Variants in HMCES observed in about 807,000 individuals in gnomAD.
HMCES encodes abasic site processing protein HMCES.
A neutral mutation model predicts 35.1 loss-of-function variants in HMCES; 27 were observed. The observed-to-expected ratio is 0.77, with a 90% CI of 0.57 to 1.06. The LOEUF (loss-of-function observed/expected upper bound fraction) is 1.06. HMCES is among the 50% of genes least tolerant of loss of function. The probability of loss-of-function intolerance (pLI) is 0.00; values close to 1 mark genes in which losing one functional copy is unlikely to be tolerated. For missense variants in HMCES, 391 were observed against 430.4 expected, an observed-to-expected ratio of 0.91 and a Z score of 0.81; for synonymous variants, 130 against 154.7, an observed-to-expected ratio of 0.84 and a Z score of 1.18.
At chr3:129,302,223 T>G (rs927262057) in intron 6 of HMCES, 81 bp downstream of exon 6, 8 of 1,223,872 alleles carry the variant, frequency 6.5e-6, no homozygotes, top group Non-Finnish European at 9.2e-6. Context: ...ATGTGGCCTT[T>G]TATGATCAGC....
At chr3:129,303,453 C>G (rs372800411) in intron 6 of HMCES, among the ~76,000 whole-genome samples, 138 of 152,246 alleles carry the variant, frequency 9.1e-4, no homozygotes, top group African/African-American at 3.1e-3. Flanking sequence ...TTAGATAACT[C>G]TAAAACTAAT....
At position 129,288,911 on chromosome 3, in the gene HMCES, T is replaced by C; in HGVS notation, c.241T>C (p.Trp81Arg). 1 of 1,602,514 alleles carries C rather than the reference T, an allele frequency of 6.2e-7. No homozygotes were observed. Among genetic ancestry groups the C allele is most frequent in the Non-Finnish European group, 8.5e-7 (1 of 1,170,644 alleles). The change falls in exon 3 of 7, where the codon TGG (tryptophan) becomes CGG (arginine). Residue 81 changes from tryptophan (W) to arginine (R), a missense_variant. Coordinates refer to ENST00000383463, the MANE Select transcript of HMCES (RefSeq NM_020187.3). ...APMRWGLVPS[W>R]FKESDPSKLQ... ...CATGCGCTGGGGCTTGGTCCCTTCTTGGTTCAAAGAAAGTGATCCTTCCAA... is the reference window on the plus strand; with the variant it reads ...CATGCGCTGGGGCTTGGTCCCTTCTCGGTTCAAAGAAAGTGATCCTTCCAA...
chr3:129,304,483 A>G, intron 6 of HMCES, 106 bp from the exon 7 acceptor site: 1 of 938,630 alleles, frequency 1.1e-6, no homozygotes, highest in Non-Finnish European at 1.7e-6. Context: ...ACATTTTCCA[A>G]GCCTGGGTAA....
At chr3:129,283,807 G>T (rs992486562) in intron 2 of HMCES, among the ~76,000 whole-genome samples, 2 of 152,134 alleles carry the variant, frequency 1.3e-5, no homozygotes, top group African/African-American at 4.8e-5. Flanking sequence ...TCCAGCCTGG[G>T]CAACAAGAGC....
chr3:129,304,972 A>T lies in HMCES; in HGVS notation c.*147A>T. The T allele has an allele frequency of 1.5e-6, 1 of 662,784 alleles. No homozygotes were observed. Among genetic ancestry groups the T allele is most frequent in the South Asian group, 1.9e-5 (1 of 52,570 alleles). 41.1% of individuals were successfully genotyped at this position (662,784 alleles called of 1,614,324 possible). On this transcript the variant is annotated 3_prime_UTR_variant, in exon 7 of 7. Transcript: ENST00000383463. Reference sequence around the variant, plus strand: ...GTGGGCTCATGTAGTCTTTTTTGCCATGAGTAGGAGCCCCTAGTGGGGCTG... The same window carrying T: ...GTGGGCTCATGTAGTCTTTTTTGCCTTGAGTAGGAGCCCCTAGTGGGGCTG...
intron 4 of HMCES, among the ~76,000 whole-genome samples, chr3:129,296,062 G>A (rs995147415): frequency 6.6e-6 from 1 of 150,730 alleles, no homozygotes; most frequent in African/African-American, 2.4e-5. Flanking sequence ...TTCACTGACC[G>A]TTTTTTTTCT....
At chr3:129,286,569 CAG>C (rs1450366140) in intron 2 of HMCES, among the ~76,000 whole-genome samples, 2 of 152,172 alleles carry the variant, frequency 1.3e-5, no homozygotes, top group Non-Finnish European at 2.9e-5. Flanking sequence ...TCACTAGTAT[CAG>C]AAATTCAACA....
intron 6 of HMCES, among the ~76,000 whole-genome samples, chr3:129,303,348 A>C (rs1004522295): frequency 6.6e-6 from 1 of 151,864 alleles, no homozygotes; most frequent in Admixed American, 6.6e-5. Flanking sequence ...CCCCCTCTCT[A>C]TTTTTCTTAA....
intron 2 of HMCES, among the ~76,000 whole-genome samples, chr3:129,283,790 A>G (rs1284652676): frequency 2.0e-5 from 3 of 152,092 alleles, no homozygotes; most frequent in Non-Finnish European, 4.4e-5. Flanking sequence ...AGATCGCGCC[A>G]TTGCACTCCA....
intron 6 of HMCES, among the ~76,000 whole-genome samples, chr3:129,303,084 AC>A (rs2071190292): frequency 6.6e-6 from 1 of 152,032 alleles, no homozygotes; most frequent in Non-Finnish European, 1.5e-5. Flanking sequence ...CCTACCATGA[AC>A]CTTAACTTCT....
chr3:129,284,096 T>G (rs955774708), intron 2 of HMCES, among the ~76,000 whole-genome samples: 1 of 152,258 alleles, frequency 6.6e-6, no homozygotes, highest in African/African-American at 2.4e-5. Flanking sequence ...TTGCAATCAT[T>G]GGTGCACATA....
intron 2 of HMCES, among the ~76,000 whole-genome samples, chr3:129,282,527 C>T (rs1940525902): frequency 6.6e-6 from 1 of 152,126 alleles, no homozygotes; most frequent in South Asian, 2.1e-4. Context: ...GAGCCACTAG[C>T]AAATACAGCC....
intron 2 of HMCES, among the ~76,000 whole-genome samples, chr3:129,284,233 G>A (rs779186744): frequency 2.1e-4 from 32 of 152,156 alleles, no homozygotes; most frequent in Non-Finnish European, 4.3e-4. Context: ...TTAGTGCCAT[G>A]TGTGATTTCA....
chr3:129,300,804 G>A (rs1296397485), intron 5 of HMCES, among the ~76,000 whole-genome samples: 1 of 152,124 alleles, frequency 6.6e-6, no homozygotes, highest in Non-Finnish European at 1.5e-5. Context: ...GCTGAGGCGG[G>A]TGGATCATGA....
chr3:129,282,260 G>A (rs1443927143), intron 2 of HMCES, among the ~76,000 whole-genome samples: 4 of 139,668 alleles, frequency 2.9e-5, no homozygotes, highest in African/African-American at 8.5e-5. Context: ...AGGATTTCAG[G>A]ACACCAGCCT....
At chr3:129,294,706 A>T (rs540286025) in intron 4 of HMCES, among the ~76,000 whole-genome samples, 5 of 152,246 alleles carry the variant, frequency 3.3e-5, no homozygotes, top group Admixed American at 1.3e-4. Context: ...CATTTTAGCC[A>T]TTTCCATGGA....
rs142126821 is a variant in HMCES, at chr3:129,287,949, C to T, written c.184-905C>T. Among the ~76,000 whole-genome samples, 1,234 of 152,044 alleles carry T rather than the reference C, an allele frequency of 8.1e-3. 13 individuals carry two copies. The highest frequency in any genetic ancestry group is 0.028 in the African/African-American group (1,168 of 41,480). On this transcript the variant is annotated intron_variant, in intron 2 of 6. Coordinates refer to ENST00000383463, the MANE Select transcript of HMCES (RefSeq NM_020187.3). The stretch of plus-strand genomic sequence containing the variant: ...GTGGAAGCCTGTAGTCCCGGCTACT[C>T]GGGAGGCTGAGGTAGGAGAATCGCT...
intron 4 of HMCES, among the ~76,000 whole-genome samples, chr3:129,295,812 G>C (rs1043720379): frequency 6.6e-6 from 1 of 152,118 alleles, no homozygotes; most frequent in African/African-American, 2.4e-5. Context: ...GCAGCTGTTT[G>C]AATACATTGT....
chr3:129,292,033 G>A (rs1442935937), intron 4 of HMCES, among the ~76,000 whole-genome samples: 1 of 151,954 alleles, frequency 6.6e-6, no homozygotes, highest in Non-Finnish European at 1.5e-5. Flanking sequence ...CTGAGGTCGT[G>A]CTACTGTACT....
Sources: gnomAD v4.1 joint callset for allele counts (sites outside exome capture counted in the v4.1 genomes callset) on GRCh38, gnomAD v4.1.1 for gene constraint, MANE v1.5 for transcripts, NCBI Gene and HGNC (gene_info 2026-07-23, HGNC 2026-07-21) for gene names.